The following NMNAT2 variants were observed in gnomAD, a reference collection of about 807,000 sequenced individuals.
NMNAT2 encodes the protein nicotinamide nucleotide adenylyltransferase 2, also known as nicotinamide/nicotinic acid mononucleotide adenylyltransferase 2.
Under a neutral mutation model 41.6 loss-of-function variants are expected in NMNAT2, and 11 were observed. That is an observed-to-expected ratio of 0.26 (90% CI 0.17 to 0.44). NMNAT2 has a LOEUF of 0.44. Among genes scored for constraint, NMNAT2 ranks in the 20% least tolerant of loss-of-function variants. The pLI is 1.00. For synonymous variants in NMNAT2, 148 were observed against 151.2 expected, an observed-to-expected ratio of 0.98 and a Z score of 0.16; for missense variants, 288 against 407.7, an observed-to-expected ratio of 0.71 and a Z score of 2.53.
At chr1:183,293,667 G>T (rs760430359) in intron 2 of NMNAT2, 38 bp downstream of exon 2, 1 of 1,435,652 alleles carries the variant, frequency 7.0e-7, no homozygotes, top group Non-Finnish European at 9.8e-7. Flanking sequence ...ATGGGGGGAC[G>T]GGGATTGAAG....
chr1:183,325,427 T>A (rs1165809034), intron 1 of NMNAT2, among the ~76,000 whole-genome samples: 2 of 152,244 alleles, frequency 1.3e-5, no homozygotes, highest in African/African-American at 4.8e-5. Context: ...TTTATCTGCA[T>A]GAAAAGATGG....
At chr1:183,409,472 A>C (rs1649055137) in intron 1 of NMNAT2, among the ~76,000 whole-genome samples, 1 of 151,840 alleles carries the variant, frequency 6.6e-6, no homozygotes, top group African/African-American at 2.4e-5. Flanking sequence ...GCACACCACC[A>C]CACCTGGCTA....
At chr1:183,305,889 T>G (rs893519650) in intron 1 of NMNAT2, among the ~76,000 whole-genome samples, 1 of 151,962 alleles carries the variant, frequency 6.6e-6, no homozygotes, top group Non-Finnish European at 1.5e-5. Flanking sequence ...CCCGGCCAAT[T>G]TTTTGTATTT....
chr1:183,368,262 G>C (rs1055044470), intron 1 of NMNAT2, among the ~76,000 whole-genome samples: 2 of 152,128 alleles, frequency 1.3e-5, no homozygotes, highest in Non-Finnish European at 2.9e-5. Context: ...TAGCTCGGAG[G>C]GCTTTGCAGA....
chr1:183,413,175 G>A (rs1388180114), intron 1 of NMNAT2, among the ~76,000 whole-genome samples: 1 of 152,214 alleles, frequency 6.6e-6, no homozygotes, highest in African/African-American at 2.4e-5. Flanking sequence ...GATGATACTA[G>A]TAGTGGTCGT....
Position 183,304,995 on chromosome 1 carries a change from T to C in NMNAT2, c.86-11202A>G. On this transcript the variant is annotated intron_variant, in intron 1 of 10. Transcript: ENST00000287713. ...CCGCTTGTAGGAGCCACTCCGGAAG[T>C]GTGGCCTCTGTTCAAATCCTTTCCA... The C allele has an allele frequency of 1.9e-5, 12 of 622,432 alleles. No homozygotes were observed. In the South Asian group the frequency reaches 3.1e-4, roughly 16 times the overall value. 38.6% of individuals were successfully genotyped at this position (622,432 alleles called of 1,614,324 possible). A position where few individuals can be genotyped will look rare whatever the true frequency, so the allele number is the denominator to read the frequency against.
At chr1:183,406,754 C>T (rs1234023462) in intron 1 of NMNAT2, among the ~76,000 whole-genome samples, 8 of 151,128 alleles carry the variant, frequency 5.3e-5, no homozygotes, top group African/African-American at 1.9e-4. Flanking sequence ...TGTCATGTAC[C>T]TAAAACCTTT....
intron 1 of NMNAT2, among the ~76,000 whole-genome samples, chr1:183,331,622 T>C (rs1662586982): frequency 6.6e-6 from 1 of 152,184 alleles, no homozygotes; most frequent in Non-Finnish European, 1.5e-5. Flanking sequence ...GACCTGACAT[T>C]CCAGCAGCTG....
intron 8 of NMNAT2, among the ~76,000 whole-genome samples, chr1:183,273,935 C>G (rs1336028474): frequency 7.0e-6 from 1 of 142,720 alleles, no homozygotes; most frequent in Non-Finnish European, 1.5e-5. Flanking sequence ...TGCTTTTTTG[C>G]TTTTTGGAGT....
chr1:183,385,934 T>C (rs1027831056), intron 1 of NMNAT2, among the ~76,000 whole-genome samples: 2 of 152,120 alleles, frequency 1.3e-5, no homozygotes, highest in African/African-American at 4.8e-5. Flanking sequence ...AGTCGGTGCC[T>C]ATGAGTCACT....
At chr1:183,337,278 G>GA (rs927478926) in intron 1 of NMNAT2, among the ~76,000 whole-genome samples, 7 of 149,410 alleles carry the variant, frequency 4.7e-5, no homozygotes, top group African/African-American at 1.8e-4. Flanking sequence ...ATAAAAATAT[G>GA]AAAAAAATTA....
chr1:183,407,639 T>G (rs913244705), intron 1 of NMNAT2, among the ~76,000 whole-genome samples: 4 of 152,194 alleles, frequency 2.6e-5, no homozygotes, highest in African/African-American at 7.2e-5. Flanking sequence ...ATATGAGGCA[T>G]GGACAGAAAT....
At chr1:183,347,796 A>G (rs896644924) in intron 1 of NMNAT2, among the ~76,000 whole-genome samples, 1 of 152,152 alleles carries the variant, frequency 6.6e-6, no homozygotes, top group Non-Finnish European at 1.5e-5. Flanking sequence ...CTTGAGTGCT[A>G]CCACTCTCCT....
At chr1:183,364,832 C>T (rs1207777094) in intron 1 of NMNAT2, among the ~76,000 whole-genome samples, 2 of 152,088 alleles carry the variant, frequency 1.3e-5, no homozygotes, top group Non-Finnish European at 2.9e-5. Context: ...GGCGGGATTA[C>T]AGGTGCCCAC....
intron 1 of NMNAT2, 90 bp downstream of exon 1, chr1:183,418,093 C>A: frequency 8.0e-7 from 1 of 1,253,946 alleles, no homozygotes. Context: ...AAGGGGCACA[C>A]GCCTTCCCGT....
At chr1:183,371,085 G>T (rs1663529385) in intron 1 of NMNAT2, among the ~76,000 whole-genome samples, 1 of 152,146 alleles carries the variant, frequency 6.6e-6, no homozygotes, top group African/African-American at 2.4e-5. Context: ...GAAAAAAAAG[G>T]CCAGGGGCAG....
At chr1:183,380,717 G>C (rs1002963925) in intron 1 of NMNAT2, among the ~76,000 whole-genome samples, 1 of 152,166 alleles carries the variant, frequency 6.6e-6, no homozygotes, top group Admixed American at 6.5e-5. Context: ...TGGCAGGAAA[G>C]GTAAGTTAGA....
intron 1 of NMNAT2, among the ~76,000 whole-genome samples, chr1:183,405,957 C>G (rs1227836082): frequency 6.6e-6 from 1 of 152,128 alleles, no homozygotes; most frequent in African/African-American, 2.4e-5. Context: ...GACAATACAC[C>G]AGTTAGATTT....
intron 1 of NMNAT2, among the ~76,000 whole-genome samples, chr1:183,360,026 G>C (rs893147874): frequency 1.3e-5 from 2 of 152,118 alleles, no homozygotes; most frequent in Non-Finnish European, 2.9e-5. Context: ...GGTGGGCTAA[G>C]TCTAAAGGTG....
Sources: gnomAD v4.1 joint callset for allele counts (sites outside exome capture counted in the v4.1 genomes callset) on GRCh38, gnomAD v4.1.1 for gene constraint, MANE v1.5 for transcripts, NCBI Gene and HGNC (gene_info 2026-07-23, HGNC 2026-07-21) for gene names.